The following AK9 variants were observed in gnomAD, a reference collection of about 807,000 sequenced individuals.
AK9 encodes adenylate kinase 9, also known as adenylate kinase domain containing 1.
A neutral mutation model predicts 239.6 loss-of-function variants in AK9; 191 were observed. The ratio of observed to expected loss-of-function variants is 0.80; its 90% CI spans 0.71 to 0.90. The LOEUF (loss-of-function observed/expected upper bound fraction) is 0.90. Ranked by LOEUF, AK9 falls within the 40% of genes least tolerant of loss-of-function variation. The pLI, the probability that AK9 is intolerant of heterozygous loss-of-function variation, is 0.00. For synonymous variants in AK9, 689 were observed against 721.0 expected, an observed-to-expected ratio of 0.96 and a Z score of 0.71; for missense variants, 1,995 against 2,214.7, an observed-to-expected ratio of 0.90 and a Z score of 1.99.
At chr6:109,690,837 A>C (rs1774275565) in intron 1 of AK9, among the ~76,000 whole-genome samples, 1 of 152,172 alleles carries the variant, frequency 6.6e-6, no homozygotes, top group African/African-American at 2.4e-5. Flanking sequence ...AACGTGTGGC[A>C]AAGCCACACT....
chr6:109,590,832 AG>A (rs1225355475), intron 17 of AK9, among the ~76,000 whole-genome samples: 1 of 152,150 alleles, frequency 6.6e-6, no homozygotes, highest in Non-Finnish European at 1.5e-5. Context: ...TATGGCTTTG[AG>A]GGTGCCTTTT....
At chr6:109,550,023 G>T in intron 25 of AK9, 67 bp downstream of exon 25, 2 of 1,469,324 alleles carry the variant, frequency 1.4e-6, no homozygotes, top group Non-Finnish European at 1.9e-6. Flanking sequence ...GTAAATTGAT[G>T]GTGATTGGTA....
At position 109,516,520 on chromosome 6, in the gene AK9, A is replaced by C. The variant is rs746959626; in HGVS notation, c.3756T>G (p.Asp1252Glu). 8.4e-6 allele frequency: 13 copies of C among 1,551,702 alleles called. No individual in the cohort carries two copies. In the South Asian group the frequency reaches 1.3e-4, roughly 16 times the overall value. Residue 1252 changes from aspartate to glutamate, a missense_variant, in exon 30 of 41, where the codon GAT becomes GAG. Asp to Glu is a conservative substitution (Grantham distance 45, BLOSUM62 2). Around this residue, in one of 5 missense-constraint regions of AK9, gnomAD observed 1,290 missense variants for 1,392.7 expected, o/e 0.93. Coordinates refer to ENST00000424296, the MANE Select transcript of AK9 (RefSeq NM_001145128.3). Reference sequence around the variant, plus strand: ...CAATTGCATCAGTTTCCTGTTCTTCATCTTCCTCGCCACTCATCTCTTCCT... The same window carrying C: ...CAATTGCATCAGTTTCCTGTTCTTCCTCTTCCTCGCCACTCATCTCTTCCT... The part of the protein sequence containing the change: ...KDEEEMSGEE[D>E]EEQETDAIER...
At chr6:109,632,898 GA>G in intron 12 of AK9, 24 bp downstream of exon 12, 1 of 1,605,690 alleles carries the variant, frequency 6.2e-7, no homozygotes, top group Non-Finnish European at 8.5e-7. Context: ...TAGATAGATA[GA>G]TAGACAGATA....
chr6:109,609,921 C>T (rs1232874000), intron 17 of AK9, among the ~76,000 whole-genome samples: 1 of 152,050 alleles, frequency 6.6e-6, no homozygotes, highest in African/African-American at 2.4e-5. Context: ...ACTGGAACAG[C>T]ACATGTGTGT....
At chr6:109,565,836 T>C (rs916206284) in intron 21 of AK9, among the ~76,000 whole-genome samples, 1 of 152,144 alleles carries the variant, frequency 6.6e-6, no homozygotes, top group Non-Finnish European at 1.5e-5. Flanking sequence ...GTGGAAACTG[T>C]CTTCTGAGTT....
intron 13 of AK9, among the ~76,000 whole-genome samples, chr6:109,617,548 A>C (rs1794323225): frequency 6.6e-6 from 1 of 152,176 alleles, no homozygotes; most frequent in East Asian, 1.9e-4. Context: ...TCAAACCTCC[A>C]GTAAAATTAT....
chr6:109,504,596 G>A (rs570288603), intron 35 of AK9, among the ~76,000 whole-genome samples: 4 of 151,982 alleles, frequency 2.6e-5, no homozygotes, highest in Non-Finnish European at 5.9e-5. Context: ...ATCACCCGAG[G>A]TCGGGAGTTT....
In AK9 at chr6:109,497,725, A is replaced by G. The variant is rs941444654; in HGVS notation, c.5216+71T>C. ...ACAGCGAACTTTTGACCAATATGTT[A>G]AGATTATTACATGAACCACTTCTTT... On this transcript the variant is annotated intron_variant, in intron 37 of 40. Coordinates refer to ENST00000424296, the MANE Select transcript of AK9 (RefSeq NM_001145128.3). 23 of 1,530,244 alleles carry G rather than the reference A, an allele frequency of 1.5e-5. No homozygotes were observed. The Admixed American group carries it at 2.0e-4, about 13-fold the overall frequency. 94.8% of individuals were successfully genotyped at this position (1,530,244 alleles called of 1,614,324 possible).
intron 19 of AK9, among the ~76,000 whole-genome samples, chr6:109,583,940 C>G (rs1397470539): frequency 5.9e-5 from 9 of 152,060 alleles, no homozygotes; most frequent in Non-Finnish European, 1.3e-4. Flanking sequence ...CCTTAATTAT[C>G]AACAGATTAT....
At chr6:109,644,891 T>C (rs1797851483) in intron 8 of AK9, among the ~76,000 whole-genome samples, 1 of 152,234 alleles carries the variant, frequency 6.6e-6, no homozygotes, top group Non-Finnish European at 1.5e-5. Flanking sequence ...TATTTTCCTG[T>C]TTAAAAAAAT....
intron 8 of AK9, 55 bp from the exon 9 acceptor site, chr6:109,644,743 A>G (rs900863224): frequency 2.1e-6 from 3 of 1,441,858 alleles, no homozygotes; most frequent in Non-Finnish European, 1.9e-6. Context: ...AAAACTGAAT[A>G]CAAGATCAGA....
At chr6:109,665,932 G>A (rs1801124820) in intron 5 of AK9, among the ~76,000 whole-genome samples, 1 of 152,212 alleles carries the variant, frequency 6.6e-6, no homozygotes. Context: ...CCACTGCCTG[G>A]AGAGCTTGTC....
chr6:109,551,420 G>A (rs537617835), intron 24 of AK9, among the ~76,000 whole-genome samples: 1 of 151,722 alleles, frequency 6.6e-6, no homozygotes, highest in Non-Finnish European at 1.5e-5. Context: ...TCAGGAGGCT[G>A]AGGCAGGAGA....
At chr6:109,645,361 T>C (rs1286846323) in intron 8 of AK9, among the ~76,000 whole-genome samples, 2 of 152,228 alleles carry the variant, frequency 1.3e-5, no homozygotes, top group African/African-American at 4.8e-5. Context: ...GCCCTAATAC[T>C]GCGCTTTTCC....
chr6:109,691,142 C>A lies in AK9; in HGVS notation c.-12+5G>T. ...TCTCCGCCCATGTTTTCCTCCAATC[C>A]TTACCAAAGATGGTGCCCTTCGCTT... On this transcript the variant is annotated splice_donor_5th_base_variant and intron_variant, in intron 1 of 40. Transcript: ENST00000424296. The A allele has an allele frequency of 1.8e-6, 1 of 555,592 alleles. No individual in the cohort carries two copies. The allele number at this position is 555,592 out of a possible 1,614,324, so 34.4% of individuals were successfully genotyped here.
At chr6:109,623,000 G>A (rs1795059212) in intron 12 of AK9, among the ~76,000 whole-genome samples, 1 of 152,120 alleles carries the variant, frequency 6.6e-6, no homozygotes, top group African/African-American at 2.4e-5. Context: ...CTGTTACAAT[G>A]AGATTGATAT....
intron 25 of AK9, chr6:109,549,664 C>CTTTTTTTTTTTTTTTTTTTT (rs1196364045): frequency 2.5e-5 from 3 of 122,104 alleles, no homozygotes; most frequent in African/African-American, 8.9e-5. Flanking sequence ...TAGATATTTT[C>CTTTTTTTTTTTTTTTTTTTT]TTTTTTTTTT....
At chr6:109,608,278 CAAAA>C (rs568305228) in intron 17 of AK9, among the ~76,000 whole-genome samples, 1 of 54,738 alleles carries the variant, frequency 1.8e-5, no homozygotes, top group Admixed American at 2.0e-4. Flanking sequence ...GACTCTGGCT[CAAAA>C]AAAAAAAAAA....
Sources: gnomAD v4.1 joint callset for allele counts (sites outside exome capture counted in the v4.1 genomes callset) on GRCh38, gnomAD v4.1.1 for gene constraint, gnomAD v4.1.1 regional missense constraint, MANE v1.5 for transcripts, NCBI Gene and HGNC (gene_info 2026-07-23, HGNC 2026-07-21) for gene names.